The following FRMD5 variants were observed in gnomAD, a reference collection of about 807,000 sequenced individuals.
FRMD5 encodes FERM domain containing 5.
Under a neutral mutation model 69.0 loss-of-function variants are expected in FRMD5, and 20 were observed. The observed-to-expected ratio is 0.29, with a 90% confidence interval of 0.20 to 0.42. The LOEUF is 0.42. FRMD5 is among the 10% of genes least tolerant of loss of function. FRMD5 has a pLI of 1.00. For synonymous variants in FRMD5, 271 were observed against 260.1 expected, an observed-to-expected ratio of 1.04 and a Z score of -0.40; for missense variants, 595 against 708.6, an observed-to-expected ratio of 0.84 and a Z score of 1.82.
At chr15:43,896,556 G>A (rs1027399595) in intron 7 of FRMD5, among the ~76,000 whole-genome samples, 1 of 152,194 alleles carries the variant, frequency 6.6e-6, no homozygotes, top group Non-Finnish European at 1.5e-5. Context: ...TTCACCCTAG[G>A]ATGATCACTC....
In FRMD5 at chr15:44,180,052, TAAA is replaced by T. The variant is rs5812269; in HGVS notation, c.102+14898_102+14900del. Reference sequence around the variant, plus strand: ...GACAAGATAGTGAGACTCCATCTCTTAAAAAAAAAAAAAAAAAAAAGGCAAAAA... The same window carrying T: ...GACAAGATAGTGAGACTCCATCTCTTAAAAAAAAAAAAAAAAAGGCAAAAA... On this transcript the variant is annotated intron_variant, in intron 1 of 13. Coordinates refer to ENST00000417257, the MANE Select transcript of FRMD5 (RefSeq NM_032892.5). Among the ~76,000 whole-genome samples, 515 of 97,462 alleles carry T rather than the reference TAAA, an allele frequency of 5.3e-3. 3 individuals are homozygous for T. The highest frequency in any genetic ancestry group is 0.017 in the African/African-American group (452 of 26,082). 63.9% of individuals were successfully genotyped at this position (97,462 alleles called of 152,430 possible).
chr15:44,027,887 G>A (rs1271445365), intron 1 of FRMD5, among the ~76,000 whole-genome samples: 1 of 151,920 alleles, frequency 6.6e-6, no homozygotes, highest in African/African-American at 2.4e-5. Flanking sequence ...CTCATGATCT[G>A]CCCTCCTCGG....
chr15:43,914,364 T>G (rs1476625752), intron 4 of FRMD5, among the ~76,000 whole-genome samples: 1 of 152,212 alleles, frequency 6.6e-6, no homozygotes, highest in Non-Finnish European at 1.5e-5. Flanking sequence ...TTATGTTTAG[T>G]ACGTCTTCCT....
intron 1 of FRMD5, among the ~76,000 whole-genome samples, chr15:43,940,204 G>C (rs2089838623): frequency 1.3e-5 from 2 of 152,136 alleles, no homozygotes; most frequent in Admixed American, 6.5e-5. Flanking sequence ...AACGACAAAA[G>C]ATGCTTTAAA....
intron 1 of FRMD5, among the ~76,000 whole-genome samples, chr15:44,187,567 A>ATTT (rs34597404): frequency 6.9e-6 from 1 of 145,422 alleles, no homozygotes; most frequent in Non-Finnish European, 1.5e-5. Flanking sequence ...GCTTTTGGCA[A>ATTT]TTTTTTTTTT....
chr15:43,909,208 A>C (rs1202395476), intron 5 of FRMD5, among the ~76,000 whole-genome samples: 4 of 152,000 alleles, frequency 2.6e-5, no homozygotes, highest in Non-Finnish European at 4.4e-5. Flanking sequence ...CAGCCTGGCC[A>C]ACACGGTGAA....
In FRMD5 at chr15:43,978,023, T is replaced by G. The variant is rs2090490960; in HGVS notation, c.103-53714A>C. 2.0e-5 allele frequency among the ~76,000 whole-genome samples: 3 copies of G among 151,994 alleles called. No homozygotes were observed. The South Asian group carries it at 6.2e-4, about 32-fold the overall frequency. On this transcript the variant is annotated intron_variant, in intron 1 of 13. Coordinates refer to ENST00000417257, the MANE Select transcript of FRMD5 (RefSeq NM_032892.5). ...CCCATAGAAACTTTATTATAAAAAC[T>G]TTATTATAAAAACCTCCCTATAGAA... is the stretch of plus-strand genomic sequence containing the variant.
At chr15:43,874,679 C>T (rs1015505350) in intron 13 of FRMD5, among the ~76,000 whole-genome samples, 5 of 152,024 alleles carry the variant, frequency 3.3e-5, no homozygotes, top group African/African-American at 4.8e-5. Flanking sequence ...ATGGGTGGAT[C>T]GCTTGAGGTC....
At chr15:44,045,118 C>T (rs2140328051) in intron 1 of FRMD5, among the ~76,000 whole-genome samples, 1 of 152,318 alleles carries the variant, frequency 6.6e-6, no homozygotes, top group South Asian at 2.1e-4. Flanking sequence ...ATCTGACTCT[C>T]CTTCCTACAC....
intron 1 of FRMD5, among the ~76,000 whole-genome samples, chr15:44,047,549 A>G (rs902318647): frequency 3.9e-5 from 6 of 152,188 alleles, no homozygotes; most frequent in African/African-American, 9.7e-5. Context: ...ATGACAAACA[A>G]TTCTTTTTCA....
At chr15:44,096,286 T>C (rs2076551686) in intron 1 of FRMD5, among the ~76,000 whole-genome samples, 1 of 150,112 alleles carries the variant, frequency 6.7e-6, no homozygotes, top group Non-Finnish European at 1.5e-5. Context: ...TAATCACAAA[T>C]GCCACACTTA....
chr15:44,035,317 C>T (rs990407910), intron 1 of FRMD5, among the ~76,000 whole-genome samples: 2 of 152,174 alleles, frequency 1.3e-5, no homozygotes, highest in Non-Finnish European at 2.9e-5. Flanking sequence ...TTAAATCAAC[C>T]TTGAACAGGT....
chr15:43,874,286 G>A lies in FRMD5; in HGVS notation c.1312C>T (p.His438Tyr), dbSNP rs747997331. ...GAAAGCAACATCAGCTCCAGGCTGT[G>A]CTCAGCCACAGGGGTGGGCAGCACG... ...DSVLPTPVAEHSLELMLLSRQ... is the reference protein window; with the variant it reads ...DSVLPTPVAEYSLELMLLSRQ... Residue 438 changes from histidine to tyrosine, a missense_variant, in exon 14 of 14, where the codon CAC becomes TAC. By Grantham distance (83) the His-to-Tyr change is moderately conservative. Transcript: ENST00000417257. 3.7e-6 allele frequency: 6 copies of A among 1,614,120 alleles called. No individual in the cohort carries two copies. In the South Asian group the frequency reaches 6.6e-5, roughly 18 times the overall value.
At position 43,873,240 on chromosome 15, in the gene FRMD5, A is replaced by T. The variant is rs2140325296; in HGVS notation, c.*645T>A. ...TGCCCACTCTGCTCAGATTTGAAAA[A>T]ACAAAAGGAAAAGAAAATCCAACTC... On this transcript the variant is annotated 3_prime_UTR_variant, in exon 14 of 14. Transcript: ENST00000417257. 2 of 1,549,308 alleles carry T rather than the reference A, an allele frequency of 1.3e-6. No homozygotes were observed. Among genetic ancestry groups the T allele is most frequent in the South Asian group, 2.4e-5 (2 of 83,718 alleles).
intron 1 of FRMD5, among the ~76,000 whole-genome samples, chr15:43,961,656 T>C (rs2090203348): frequency 6.6e-6 from 1 of 152,214 alleles, no homozygotes; most frequent in Non-Finnish European, 1.5e-5. Context: ...AAATCCTCAG[T>C]AAAATACTGG....
chr15:43,961,857 C>T (rs1381924799), intron 1 of FRMD5, among the ~76,000 whole-genome samples: 3 of 152,136 alleles, frequency 2.0e-5, no homozygotes, highest in Non-Finnish European at 2.9e-5. Context: ...TTCAACAACC[C>T]TTCATGCTAA....
intron 1 of FRMD5, among the ~76,000 whole-genome samples, chr15:44,168,553 A>G (rs944550307): frequency 6.6e-6 from 1 of 152,222 alleles, no homozygotes; most frequent in Non-Finnish European, 1.5e-5. Flanking sequence ...TAGTAATGAC[A>G]AGAACAATTA....
chr15:44,160,187 C>G (rs1341595803), intron 1 of FRMD5, among the ~76,000 whole-genome samples: 1 of 152,176 alleles, frequency 6.6e-6, no homozygotes, highest in East Asian at 1.9e-4. Context: ...AACCCTGTCT[C>G]TACTAAAAAT....
intron 1 of FRMD5, among the ~76,000 whole-genome samples, chr15:44,084,170 C>T (rs531970660): frequency 1.3e-5 from 2 of 152,032 alleles, no homozygotes; most frequent in Admixed American, 1.3e-4. Flanking sequence ...TATAATGAGG[C>T]GGCTAATCTC....
Sources: allele counts gnomAD v4.1 joint callset (sites outside exome capture counted in the v4.1 genomes callset), GRCh38; gene constraint gnomAD v4.1.1; transcripts MANE v1.5; gene names NCBI Gene and HGNC (gene_info 2026-07-23, HGNC 2026-07-21).